The following DPP6 variants were observed in gnomAD, a reference collection of about 807,000 sequenced individuals.
DPP6 encodes A-type potassium channel modulatory protein DPP6.
DPP6 carries 69 observed loss-of-function variants against 122.6 expected under a neutral mutation model. The observed-to-expected ratio is 0.56, with a 90% CI of 0.46 to 0.69. DPP6 has a LOEUF of 0.69. Among genes scored for constraint, DPP6 ranks in the 30% least tolerant of loss-of-function variants. DPP6 has a pLI of 0.00. For missense variants in DPP6, 928 were observed against 1,116.9 expected (o/e 0.83, Z 2.41); for synonymous variants, 418 against 433.1 (o/e 0.97, Z 0.43).
chr7:154,122,000 G>A (rs936302522), intron 1 of DPP6, among the ~76,000 whole-genome samples: 1 of 152,116 alleles, frequency 6.6e-6, no homozygotes, highest in Non-Finnish European at 1.5e-5. Flanking sequence ...AGTAATTACT[G>A]AAAATAAACA....
chr7:154,721,327 G>A lies in DPP6; in HGVS notation c.763-6440G>A, dbSNP rs554268506. ...GTACAACCTGGTTTCAATCCCAGCC[G>A]CACCCCTGACCCACCAGCTGCTGGG... On this transcript the variant is annotated intron_variant, in intron 7 of 25. Transcript: ENST00000377770. 9.9e-5 allele frequency among the ~76,000 whole-genome samples: 15 copies of A among 152,244 alleles called. 1 individual carries two copies. The highest frequency in any genetic ancestry group is 8.3e-4 in the South Asian group (4 of 4,816).
intron 1 of DPP6, among the ~76,000 whole-genome samples, chr7:154,204,557 C>T (rs527373698): frequency 1.9e-4 from 29 of 152,296 alleles, no homozygotes; most frequent in South Asian, 1.0e-3. Context: ...TGTGAACACA[C>T]GGCAAACCTG....
chr7:154,000,497 C>T (rs2533564), intron 1 of DPP6, among the ~76,000 whole-genome samples: 5 of 152,112 alleles, frequency 3.3e-5, no homozygotes, highest in East Asian at 3.9e-4. Context: ...TATGGAGGGC[C>T]CAAGTAGGCG....
the DPP6 span, among the ~76,000 whole-genome samples, chr7:153,808,323 G>C: frequency 3.3e-5 from 5 of 151,372 alleles, no homozygotes; most frequent in Middle Eastern, 3.4e-3. Context: ...GCCTGTGTGT[G>C]TCTGTGTGCA....
chr7:154,440,187 G>A (rs947800993), intron 1 of DPP6, among the ~76,000 whole-genome samples: 1 of 152,276 alleles, frequency 6.6e-6, no homozygotes. Context: ...GGATGACATC[G>A]TCTTCCACCA....
chr7:153,827,509 G>C, the DPP6 span, among the ~76,000 whole-genome samples: 1 of 152,252 alleles, frequency 6.6e-6, no homozygotes, highest in East Asian at 1.9e-4. Flanking sequence ...TGAATTCCTT[G>C]GGTTTTCTTT....
At position 154,812,529 on chromosome 7, in the gene DPP6, G is replaced by A. The variant is rs1242397610; in HGVS notation, c.1666+5417G>A. 7.2e-5 allele frequency among the ~76,000 whole-genome samples: 11 copies of A among 152,236 alleles called. No homozygotes were observed. The East Asian group carries it at 2.1e-3, about 29-fold the overall frequency. On this transcript the variant is annotated intron_variant, in intron 16 of 25. Transcript: ENST00000377770. Reference sequence around the variant, plus strand: ...CCCTCTTCTGGGTCACAGATGACCAGTTTCTCCTTGTATCCTCATGTGGTG... The same window carrying A: ...CCCTCTTCTGGGTCACAGATGACCAATTTCTCCTTGTATCCTCATGTGGTG...
intron 1 of DPP6, among the ~76,000 whole-genome samples, chr7:154,365,159 GA>G (rs2151106034): frequency 6.6e-6 from 1 of 152,302 alleles, no homozygotes; most frequent in Admixed American, 6.5e-5. Context: ...GACGAGTTCA[GA>G]AATTCATTGC....
At chr7:154,792,576 C>T (rs1170910521) in intron 10 of DPP6, among the ~76,000 whole-genome samples, 4 of 152,212 alleles carry the variant, frequency 2.6e-5, no homozygotes, top group Admixed American at 6.5e-5. Flanking sequence ...GCAGGATGTG[C>T]CACCTGTCAG....
At position 154,134,119 on chromosome 7, in the gene DPP6, G is replaced by A. The variant is rs117218703; in HGVS notation, c.243+81056G>A. Among the ~76,000 whole-genome samples the A allele has an allele frequency of 7.9e-5, 12 of 152,182 alleles. No homozygotes were observed. The East Asian group carries it at 1.8e-3, about 22-fold the overall frequency. Reference sequence around the variant, plus strand: ...TTCCTCCCACTATGGGCAGTTTGGCGTGAATGAGTGAGATACGTAGTTTCT... The same window carrying A: ...TTCCTCCCACTATGGGCAGTTTGGCATGAATGAGTGAGATACGTAGTTTCT... On this transcript the variant is annotated intron_variant, in intron 1 of 25. Coordinates refer to ENST00000377770, the MANE Select transcript of DPP6 (RefSeq NM_130797.4).
At chr7:153,836,078 A>T in the DPP6 span, among the ~76,000 whole-genome samples, 1 of 152,220 alleles carries the variant, frequency 6.6e-6, no homozygotes. Context: ...CCTCTTCCTT[A>T]TCTGATCTCC....
intron 16 of DPP6, among the ~76,000 whole-genome samples, chr7:154,851,089 G>A (rs1297227410): frequency 6.6e-6 from 1 of 152,156 alleles, no homozygotes; most frequent in Non-Finnish European, 1.5e-5. Flanking sequence ...GGGAAGTGGG[G>A]ATAAAATAGA....
At chr7:153,991,190 A>G (rs1797162475) in intron 1 of DPP6, among the ~76,000 whole-genome samples, 3 of 152,130 alleles carry the variant, frequency 2.0e-5, no homozygotes, top group Admixed American at 2.0e-4. Context: ...GGCTTTTGGA[A>G]GCAGATAGCT....
intron 6 of DPP6, among the ~76,000 whole-genome samples, chr7:154,654,349 C>T (rs1837085666): frequency 6.6e-6 from 1 of 150,714 alleles, no homozygotes; most frequent in Admixed American, 6.6e-5. Flanking sequence ...AACAGGCCAC[C>T]CCGATCCATC....
chr7:154,463,272 A>G (rs1821470781), intron 2 of DPP6, among the ~76,000 whole-genome samples: 2 of 132,906 alleles, frequency 1.5e-5, no homozygotes, highest in Non-Finnish European at 3.0e-5. Flanking sequence ...CAGTGGCACG[A>G]TCTCGACTCA....
chr7:154,060,788 C>T (rs1400977189), intron 1 of DPP6, among the ~76,000 whole-genome samples: 3 of 129,896 alleles, frequency 2.3e-5, no homozygotes, highest in African/African-American at 6.3e-5. Context: ...TTAGGACGCC[C>T]ATCACAGGAG....
intron 21 of DPP6, chr7:154,881,176 A>G (rs1805360039): frequency 1.6e-6 from 1 of 644,908 alleles, no homozygotes; most frequent in Non-Finnish European, 2.4e-6. Flanking sequence ...AGGGAAGCCA[A>G]GTCCCCGCAG....
chr7:154,815,382 C>T (rs1799355930), intron 16 of DPP6, among the ~76,000 whole-genome samples: 1 of 152,208 alleles, frequency 6.6e-6, no homozygotes, highest in Non-Finnish European at 1.5e-5. Context: ...TTTTCTCCTA[C>T]CCATCTAAAT....
intron 10 of DPP6, among the ~76,000 whole-genome samples, chr7:154,777,570 G>T (rs753905756): frequency 1.3e-5 from 2 of 152,150 alleles, no homozygotes; most frequent in African/African-American, 4.8e-5. Context: ...AAACAAATGC[G>T]CTTGTTTTCT....
Sources: allele counts gnomAD v4.1 joint callset (sites outside exome capture counted in the v4.1 genomes callset), GRCh38; gene constraint gnomAD v4.1.1; transcripts MANE v1.5; gene names NCBI Gene and HGNC (gene_info 2026-07-23, HGNC 2026-07-21).